ANKRD6: variants seen among roughly 807,000 people sequenced by gnomAD.
The protein encoded by ANKRD6 is ankyrin repeat domain-containing protein 6.
ANKRD6 carries 56 observed loss-of-function variants against 82.3 expected under a neutral mutation model. That is an observed-to-expected ratio of 0.68 (90% CI 0.55 to 0.85). The LOEUF (loss-of-function observed/expected upper bound fraction) is 0.85, where lower values mean the gene tolerates loss of function less well. ANKRD6 is among the 40% of genes least tolerant of loss of function. The probability of loss-of-function intolerance (pLI) is 0.00; values close to 1 mark genes in which losing one functional copy is unlikely to be tolerated. For synonymous variants in ANKRD6, 347 were observed against 352.1 expected (o/e 0.99, Z 0.16); for missense variants, 852 against 907.6 (o/e 0.94, Z 0.79).
Position 89,487,857 on chromosome 6 carries a change from T to C in ANKRD6, c.-144+54482T>C, listed in dbSNP as rs1777544484. Among the ~76,000 whole-genome samples the C allele has an allele frequency of 2.0e-5, 3 of 152,234 alleles. No homozygotes were observed. In the South Asian group the frequency reaches 6.2e-4, roughly 31 times the overall value. On this transcript the variant is annotated intron_variant, in intron 1 of 15. Transcript: ENST00000339746. ...AAAAAAATGATCTTTGGTAACATGA[T>C]GGGAAAAGTGCATGAAATTAGCTAC...
intron 1 of ANKRD6, among the ~76,000 whole-genome samples, chr6:89,438,387 C>G (rs1442808426): frequency 6.6e-6 from 1 of 152,140 alleles, no homozygotes; most frequent in East Asian, 1.9e-4. Context: ...CAAAAGGAAA[C>G]CGTGTTGACT....
chr6:89,512,946 A>G (rs1374040464), intron 1 of ANKRD6, among the ~76,000 whole-genome samples: 1 of 149,398 alleles, frequency 6.7e-6, no homozygotes, highest in Non-Finnish European at 1.5e-5. Flanking sequence ...TTTTTAAGAG[A>G]TAATGTCTTG....
chr6:89,617,713 C>T (rs996338995), intron 8 of ANKRD6, among the ~76,000 whole-genome samples: 20 of 152,250 alleles, frequency 1.3e-4, no homozygotes, highest in African/African-American at 4.8e-4. Context: ...TTGGTCTGCC[C>T]TTGCCCTCTG....
chr6:89,624,251 T>C (rs1362431383), intron 12 of ANKRD6, among the ~76,000 whole-genome samples, 194 bp downstream of exon 12: 1 of 152,140 alleles, frequency 6.6e-6, no homozygotes, highest in Non-Finnish European at 1.5e-5. Flanking sequence ...GCAGACAGGG[T>C]GTGTAGCTGC....
intron 1 of ANKRD6, among the ~76,000 whole-genome samples, chr6:89,514,100 G>A (rs1446372528): frequency 6.6e-6 from 1 of 152,160 alleles, no homozygotes; most frequent in Non-Finnish European, 1.5e-5. Context: ...ATGAAGGGCC[G>A]GGTGCGGTAG....
intron 2 of ANKRD6, among the ~76,000 whole-genome samples, chr6:89,593,316 T>C (rs1795254769): frequency 6.6e-6 from 1 of 152,190 alleles, no homozygotes; most frequent in Non-Finnish European, 1.5e-5. Context: ...CAAGGATATG[T>C]GGTGACAGAT....
At chr6:89,434,562 G>C (rs558632708) in intron 1 of ANKRD6, among the ~76,000 whole-genome samples, 1 of 152,052 alleles carries the variant, frequency 6.6e-6, no homozygotes, top group Non-Finnish European at 1.5e-5. Flanking sequence ...TAGCTCAACC[G>C]ATCTTCCCAC....
intron 1 of ANKRD6, among the ~76,000 whole-genome samples, chr6:89,523,462 TAAG>T (rs956352930): frequency 4.6e-5 from 7 of 152,226 alleles, no homozygotes; most frequent in African/African-American, 1.4e-4. Flanking sequence ...GAACTTTTTC[TAAG>T]AATAGCTCAG....
intron 1 of ANKRD6, among the ~76,000 whole-genome samples, chr6:89,516,954 G>C (rs2127956485): frequency 6.6e-6 from 1 of 152,240 alleles, no homozygotes; most frequent in Non-Finnish European, 1.5e-5. Context: ...CTGCAGCTTT[G>C]ATATCCCTGG....
At chr6:89,615,999 C>T (rs1052191320) in intron 7 of ANKRD6, among the ~76,000 whole-genome samples, 11 of 152,296 alleles carry the variant, frequency 7.2e-5, no homozygotes, top group Admixed American at 2.0e-4. Flanking sequence ...TGTTTCCACC[C>T]GCACAAAGCA....
chr6:89,475,784 A>T (rs116294070), intron 1 of ANKRD6, among the ~76,000 whole-genome samples: 1 of 152,214 alleles, frequency 6.6e-6, no homozygotes, highest in African/African-American at 2.4e-5. Context: ...ACATTTAACA[A>T]ATACTGCCAG....
At chr6:89,581,037 C>T (rs1473788421) in intron 2 of ANKRD6, among the ~76,000 whole-genome samples, 1 of 152,214 alleles carries the variant, frequency 6.6e-6, no homozygotes, top group Non-Finnish European at 1.5e-5. Flanking sequence ...GCCCCCACCA[C>T]TCAGTGTTTC....
At chr6:89,479,636 T>G (rs1776539482) in intron 1 of ANKRD6, among the ~76,000 whole-genome samples, 1 of 150,530 alleles carries the variant, frequency 6.6e-6, no homozygotes, top group Admixed American at 6.6e-5. Flanking sequence ...TTTATTATTA[T>G]TATACTTTAA....
intron 1 of ANKRD6, among the ~76,000 whole-genome samples, chr6:89,449,453 A>G (rs1422642243): frequency 6.6e-6 from 1 of 152,230 alleles, no homozygotes; most frequent in African/African-American, 2.4e-5. Flanking sequence ...ATACCAGATG[A>G]AATCACTTTT....
At chr6:89,550,392 A>G (rs72929359) in intron 1 of ANKRD6, among the ~76,000 whole-genome samples, 24,482 of 152,154 alleles carry the variant, frequency 0.16, 2,089 homozygotes, top group South Asian at 0.34. Flanking sequence ...GATAAATTTC[A>G]CAAATAAAAT....
rs766076423 is a variant in ANKRD6, at chr6:89,613,793, C to T, written c.518C>T (p.Ala173Val). 26 of 1,613,526 alleles carry T rather than the reference C, an allele frequency of 1.6e-5. No individual in the cohort carries two copies. Among genetic ancestry groups the T allele is most frequent in the Non-Finnish European group, 7.6e-6 (9 of 1,179,778 alleles). The change falls in exon 7 of 16, where the codon GCA becomes GTA. Residue 173 changes from alanine to valine, a missense_variant and splice_region_variant. By Grantham distance (64) the Ala-to-Val change is moderately conservative (BLOSUM62 0). Transcript: ENST00000339746. ...TTAGAGTTTGATTTTTGTCCGCAGGCAGGAGACACCTGTTTGCACGTTGCT... is the reference window on the plus strand; with the variant it reads ...TTAGAGTTTGATTTTTGTCCGCAGGTAGGAGACACCTGTTTGCACGTTGCT... ...AGSRADLKNN[A>V]GDTCLHVAAR...
At chr6:89,542,092 A>T (rs998450911) in intron 1 of ANKRD6, among the ~76,000 whole-genome samples, 1 of 151,812 alleles carries the variant, frequency 6.6e-6, no homozygotes, top group Non-Finnish European at 1.5e-5. Flanking sequence ...TATTGTATTT[A>T]TCAATACAAT....
intron 1 of ANKRD6, among the ~76,000 whole-genome samples, chr6:89,436,775 C>T (rs927928106): frequency 9.2e-5 from 14 of 152,268 alleles, no homozygotes; most frequent in East Asian, 5.8e-4. Context: ...GTTGATGGTG[C>T]CCCACTGCTG....
chr6:89,459,413 A>G (rs1204512926), intron 1 of ANKRD6, among the ~76,000 whole-genome samples: 1 of 152,142 alleles, frequency 6.6e-6, no homozygotes, highest in Non-Finnish European at 1.5e-5. Context: ...CAGTGTCCAT[A>G]AAACCAGCAT....
Sources: gnomAD v4.1 joint callset for allele counts (sites outside exome capture counted in the v4.1 genomes callset) on GRCh38, gnomAD v4.1.1 for gene constraint, MANE v1.5 for transcripts, NCBI Gene and HGNC (gene_info 2026-07-23, HGNC 2026-07-21) for gene names.